Variants in RBFOX1 observed in about 807,000 individuals in gnomAD.
The protein encoded by RBFOX1 is RNA binding fox-1 homolog 1, also known as RNA binding protein fox-1 homolog 1.
A neutral mutation model predicts 57.7 loss-of-function variants in RBFOX1; 8 were observed. The observed-to-expected ratio is 0.14, with a 90% confidence interval of 0.08 to 0.25. RBFOX1 has a LOEUF of 0.25. RBFOX1 is among the 10% of genes least tolerant of loss of function. The pLI is 1.00. For missense variants in RBFOX1, 611 were observed against 548.5 expected, an observed-to-expected ratio of 1.11 and a Z score of -1.14; for synonymous variants, 326 against 222.4, an observed-to-expected ratio of 1.47 and a Z score of -4.15.
At chr16:7,667,336 G>T (rs1032190342) in intron 13 of RBFOX1, among the ~76,000 whole-genome samples, 13 of 152,128 alleles carry the variant, frequency 8.5e-5, no homozygotes, top group Non-Finnish European at 1.5e-4. Context: ...ATAAGTTTAA[G>T]AAATATAAAT....
chr16:6,564,026 C>G (rs2097221008), intron 2 of RBFOX1, among the ~76,000 whole-genome samples: 1 of 152,070 alleles, frequency 6.6e-6, no homozygotes, highest in South Asian at 2.1e-4. Context: ...GTTTCTGCTT[C>G]TTCCCAGCAA....
chr16:6,626,515 T>G (rs1440209017), intron 2 of RBFOX1, among the ~76,000 whole-genome samples: 2 of 152,180 alleles, frequency 1.3e-5, no homozygotes, highest in African/African-American at 4.8e-5. Flanking sequence ...ATCCCAGCAC[T>G]TTGGGAGGCC....
intron 4 of RBFOX1, among the ~76,000 whole-genome samples, chr16:7,058,497 A>T (rs2053190082): frequency 6.6e-6 from 1 of 152,206 alleles, no homozygotes; most frequent in Non-Finnish European, 1.5e-5. Flanking sequence ...AGCCTTGTAC[A>T]TGTTACTTCA....
intron 1 of RBFOX1, among the ~76,000 whole-genome samples, chr16:5,389,282 G>A (rs918565593): frequency 2.6e-5 from 4 of 152,184 alleles, no homozygotes; most frequent in African/African-American, 9.7e-5. Context: ...GGAAATCCTC[G>A]TTCTCAGCTT....
intron 3 of RBFOX1, among the ~76,000 whole-genome samples, chr16:6,788,681 T>C (rs956009179): frequency 6.6e-6 from 1 of 151,946 alleles, no homozygotes; most frequent in Non-Finnish European, 1.5e-5. Context: ...TTCACCGTGT[T>C]AGCCAGGATG....
At chr16:6,847,521 G>A (rs1344594298) in intron 3 of RBFOX1, among the ~76,000 whole-genome samples, 1 of 152,116 alleles carries the variant, frequency 6.6e-6, no homozygotes, top group Admixed American at 6.5e-5. Context: ...GCCAAAGCAT[G>A]ATACGCAACT....
intron 3 of RBFOX1, among the ~76,000 whole-genome samples, chr16:6,722,952 A>G (rs915471440): frequency 6.6e-6 from 1 of 152,164 alleles, no homozygotes; most frequent in Non-Finnish European, 1.5e-5. Flanking sequence ...CTTCTAGGCA[A>G]GTCAGGAGTT....
At chr16:7,371,898 G>C (rs191975160) in intron 4 of RBFOX1, among the ~76,000 whole-genome samples, 11 of 152,234 alleles carry the variant, frequency 7.2e-5, no homozygotes, top group Non-Finnish European at 1.0e-4. Context: ...GATATGCCAT[G>C]GAGCCTCCTT....
chr16:5,531,918 G>C (rs4786698), intron 2 of RBFOX1, among the ~76,000 whole-genome samples: 44,263 of 151,372 alleles, frequency 0.29, 7,105 homozygotes, highest in Non-Finnish European at 0.36. Flanking sequence ...TCCTGCCTCA[G>C]CCTCCTGAAT....
chr16:7,654,379 G>C (rs926340204), intron 12 of RBFOX1, among the ~76,000 whole-genome samples: 5 of 152,150 alleles, frequency 3.3e-5, no homozygotes, highest in African/African-American at 9.7e-5. Context: ...CCTCCCCAGG[G>C]ATATCTTGGC....
intron 1 of RBFOX1, among the ~76,000 whole-genome samples, chr16:5,422,220 GGAGGGA>G (rs377136964): frequency 5.4e-4 from 81 of 150,116 alleles, no homozygotes; most frequent in African/African-American, 4.6e-4. Context: ...GGAGGAGAGA[GGAGGGA>G]GAGGGAGAGG....
At chr16:6,684,660 C>G (rs11864705) in intron 3 of RBFOX1, among the ~76,000 whole-genome samples, 330 of 152,254 alleles carry the variant, frequency 2.2e-3, no homozygotes, top group African/African-American at 7.4e-3. Flanking sequence ...TTATCAGTGT[C>G]TTAGAAGTTG....
chr16:5,459,503 C>A (rs963556), intron 1 of RBFOX1, among the ~76,000 whole-genome samples: 4 of 152,030 alleles, frequency 2.6e-5, no homozygotes, highest in Admixed American at 2.0e-4. Context: ...CGTGACCAAC[C>A]GCCTGACCAC....
Position 6,871,908 on chromosome 16 carries a change from A to AGTGTGTGT in RBFOX1, c.-15-180147_-15-180146insGTGTGTGT, listed in dbSNP as rs1484075719. Among the ~76,000 whole-genome samples, 5 of 85,128 alleles carry AGTGTGTGT rather than the reference A, an allele frequency of 5.9e-5. No homozygotes were observed. The East Asian group carries it at 1.2e-3, about 20-fold the overall frequency. The allele number at this position is 85,128 out of a possible 152,430, so 55.8% of individuals were successfully genotyped here. ...TCCAGGCTCTTTGAGAGAGGGAGAG[A>AGTGTGTGT]GTCTGTGTGTGTGTGTGTGTGTGTG... On this transcript the variant is annotated intron_variant, in intron 3 of 15. Coordinates refer to ENST00000550418, the MANE Select transcript of RBFOX1 (RefSeq NM_018723.4).
intron 3 of RBFOX1, among the ~76,000 whole-genome samples, chr16:5,663,148 C>T (rs2049713399): frequency 6.6e-6 from 1 of 152,164 alleles, no homozygotes; most frequent in Non-Finnish European, 1.5e-5. Flanking sequence ...CTGTCTACAA[C>T]AAAGAATGAC....
chr16:6,749,358 TG>T (rs2074445406), intron 3 of RBFOX1, among the ~76,000 whole-genome samples: 1 of 152,148 alleles, frequency 6.6e-6, no homozygotes, highest in Admixed American at 6.5e-5. Context: ...TCAAAGTAAG[TG>T]CTCAGGACAT....
intron 1 of RBFOX1, among the ~76,000 whole-genome samples, chr16:6,178,173 C>T (rs949697139): frequency 9.5e-5 from 13 of 137,088 alleles, no homozygotes; most frequent in Non-Finnish European, 1.5e-4. Context: ...TTCCAAAGGT[C>T]ACTCTTTTTT....
chr16:5,945,275 G>C (rs1343925823), intron 4 of RBFOX1, among the ~76,000 whole-genome samples: 3 of 152,120 alleles, frequency 2.0e-5, no homozygotes, highest in African/African-American at 7.2e-5. Flanking sequence ...GCAGACACGA[G>C]GACCCACACA....
chr16:5,348,923 G>GAT (rs1452414629), intron 1 of RBFOX1, among the ~76,000 whole-genome samples: 1 of 152,184 alleles, frequency 6.6e-6, no homozygotes, highest in African/African-American at 2.4e-5. Context: ...GTTTCTTTTG[G>GAT]ATATATACAC....
Sources: allele counts gnomAD v4.1 joint callset (sites outside exome capture counted in the v4.1 genomes callset), GRCh38; gene constraint gnomAD v4.1.1; transcripts MANE v1.5; gene names NCBI Gene and HGNC (gene_info 2026-07-23, HGNC 2026-07-21).